The following MMS19 variants were observed in gnomAD, a reference collection of about 807,000 sequenced individuals.
MMS19 encodes MMS19 cytosolic iron-sulfur assembly component.
MMS19 carries 77 observed loss-of-function variants against 129.8 expected under a neutral mutation model. The ratio of observed to expected loss-of-function variants is 0.59; its 90% confidence interval spans 0.49 to 0.72. MMS19 has a LOEUF of 0.72. Ranked by LOEUF, MMS19 falls within the 30% of genes least tolerant of loss-of-function variation. The pLI is 0.00. For missense variants in MMS19, 1,168 were observed against 1,266.3 expected, an observed-to-expected ratio of 0.92 and a Z score of 1.18; for synonymous variants, 491 against 502.8, an observed-to-expected ratio of 0.98 and a Z score of 0.31.
Position 97,461,853 on chromosome 10 carries a change from G to A in MMS19, c.2159C>T (p.Ala720Val), listed in dbSNP as rs1313113519. The change falls in exon 22 of 31, where the codon GCC becomes GTC. Residue 720 changes from alanine to valine, a missense_variant. Around this residue, in one of 3 missense-constraint regions of MMS19, gnomAD observed 831 missense variants for 910.8 expected, o/e 0.91. Coordinates refer to ENST00000438925, the MANE Select transcript of MMS19 (RefSeq NM_022362.5). ...GQRRLIALLM[A>V]FVCSLPRNVE... ...ATTTCGAGGCAGGGAGCAGACAAAG[G>A]CCATAAGCAGTGCAATCAGCCGCCT... The A allele has an allele frequency of 6.2e-7, 1 of 1,609,732 alleles. No homozygotes were observed. The highest frequency in any genetic ancestry group is 1.7e-4 in the Middle Eastern group (1 of 6,030).
chr10:97,493,113 G>A (rs1371434007), intron 1 of MMS19, among the ~76,000 whole-genome samples: 1 of 151,976 alleles, frequency 6.6e-6, no homozygotes, highest in Non-Finnish European at 1.5e-5. Flanking sequence ...CAGGGTTCAA[G>A]TGATTCTCCT....
intron 1 of MMS19, among the ~76,000 whole-genome samples, chr10:97,489,863 C>T (rs1252802702): frequency 2.0e-5 from 3 of 152,238 alleles, no homozygotes; most frequent in Non-Finnish European, 4.4e-5. Context: ...AAGTACCCTT[C>T]TCAACATATC....
rs1446786304 is a variant in MMS19, at chr10:97,466,071, C to T, written c.1594G>A (p.Glu532Lys). The T allele has an allele frequency of 1.3e-5, 21 of 1,613,350 alleles. No individual in the cohort carries two copies. The highest frequency in any genetic ancestry group is 2.7e-5 in the African/African-American group (2 of 74,928). ...SSHLVPKLAEELRVGESNLTN... is the reference protein window; with the variant it reads ...SSHLVPKLAEKLRVGESNLTN... ...TAGAGACACATACCTACACGCAGCT[C>T]CTCAGCGAGCTTGGGTACGAGGTGG... The change falls in exon 17 of 31, where the codon GAG becomes AAG. Residue 532 changes from glutamate (E) to lysine (K), a missense_variant. Glu to Lys is a moderately conservative substitution (Grantham distance 56). Around this residue, in one of 3 missense-constraint regions of MMS19, gnomAD observed 831 missense variants for 910.8 expected, o/e 0.91. Transcript: ENST00000438925.
intron 29 of MMS19, 33 bp downstream of exon 29, chr10:97,459,190 C>T (rs772557038): frequency 2.6e-5 from 42 of 1,597,628 alleles, no homozygotes; most frequent in Non-Finnish European, 3.5e-5. Context: ...TTGAGATGTT[C>T]CCAGGCCAGG....
At position 97,461,815 on chromosome 10, in the gene MMS19, T is replaced by C; in HGVS notation, c.2184+13A>G. 2 of 1,605,564 alleles carry C rather than the reference T, an allele frequency of 1.2e-6. No homozygotes were observed. Among genetic ancestry groups the C allele is most frequent in the Non-Finnish European group, 8.5e-7 (1 of 1,176,214 alleles). On this transcript the variant is annotated intron_variant, in intron 22 of 30. Coordinates refer to ENST00000438925, the MANE Select transcript of MMS19 (RefSeq NM_022362.5). ...AGGTTAAATAACAGTACTTCCCAAATGTGCTCACTTACATTTCGAGGCAGG... is the reference window on the plus strand; with the variant it reads ...AGGTTAAATAACAGTACTTCCCAAACGTGCTCACTTACATTTCGAGGCAGG...
At chr10:97,474,360 T>C (rs1054169132) in intron 8 of MMS19, among the ~76,000 whole-genome samples, 1 of 151,606 alleles carries the variant, frequency 6.6e-6, no homozygotes, top group African/African-American at 2.4e-5. Flanking sequence ...CTGGACAACA[T>C]GGCAAAACCC....
chr10:97,483,617 T>C (rs879441101), intron 2 of MMS19, among the ~76,000 whole-genome samples: 6 of 152,226 alleles, frequency 3.9e-5, no homozygotes, highest in Non-Finnish European at 8.8e-5. Context: ...TCTAAGTGCT[T>C]AGAATCCCAA....
In MMS19 at chr10:97,460,759, TG is replaced by T; in HGVS notation, c.2413-9del. On this transcript the variant is annotated splice_polypyrimidine_tract_variant and intron_variant, in intron 24 of 30. Transcript: ENST00000438925. Reference sequence around the variant, plus strand: ...CACTAGGGCCTTTGTTACCTGTAATTGGAGACAGAGAGAGCAATTGGGGAAT... The same window carrying T: ...CACTAGGGCCTTTGTTACCTGTAATTGAGACAGAGAGAGCAATTGGGGAAT... The T allele has an allele frequency of 6.3e-7, 1 of 1,593,828 alleles. No homozygotes were observed. Among genetic ancestry groups the T allele is most frequent in the South Asian group, 1.1e-5 (1 of 87,508 alleles).
Position 97,460,720 on chromosome 10 carries a change from G to A in MMS19, c.2444C>T (p.Pro815Leu). ...VTKALVLRYH[P>L]LSSCLTARLM... ...CCGGGCTGTAAGGCAGGAGCTGAGA[G>A]GATGGTATCTGAGCACTAGGGCCTT... Residue 815 changes from proline (P) to leucine (L), a missense_variant, in exon 25 of 31, where the codon CCT becomes CTT. This residue lies in a region of MMS19 where 831 missense variants were observed against 910.8 expected (regional missense o/e 0.91). Coordinates refer to ENST00000438925, the MANE Select transcript of MMS19 (RefSeq NM_022362.5). 1 of 1,599,320 alleles carries A rather than the reference G, an allele frequency of 6.3e-7. No individual in the cohort carries two copies.
chr10:97,459,601 C>T lies in MMS19; in HGVS notation c.2739+58G>A. The T allele has an allele frequency of 1.9e-6, 3 of 1,599,300 alleles. No individual in the cohort carries two copies. In the South Asian group the frequency reaches 3.4e-5, roughly 18 times the overall value. ...GTTCTTGTTCCCTCCCCTTTCTAGC[C>T]CCATCTGGGGAAGAATAGCTTTGTC... On this transcript the variant is annotated intron_variant, in intron 27 of 30. Coordinates refer to ENST00000438925, the MANE Select transcript of MMS19 (RefSeq NM_022362.5).
At position 97,466,788 on chromosome 10, in the gene MMS19, C is replaced by T. The variant is rs369929027; in HGVS notation, c.1411G>A (p.Gly471Ser). ...LVGIRTLTVL[G>S]AQPDLLSYED... ...CCTTAAGATGTACCTGGCTGGGCAC[C>T]CAAGACTGTCAGTGTACGGATGCCA... The change falls in exon 15 of 31, where the codon GGT (glycine) becomes AGT (serine). Residue 471 changes from glycine to serine, a missense_variant. Around this residue, in one of 3 missense-constraint regions of MMS19, gnomAD observed 831 missense variants for 910.8 expected, o/e 0.91. Transcript: ENST00000438925. 17 of 1,613,856 alleles carry T rather than the reference C, an allele frequency of 1.1e-5. No individual in the cohort carries two copies. In the African/African-American group the frequency reaches 1.9e-4, roughly 18 times the overall value.
rs764060333 is a variant in MMS19, at chr10:97,468,372, T to C, written c.1098A>G (p.Lys366=). The C allele has an allele frequency of 1.0e-4, 164 of 1,611,348 alleles. No individual in the cohort carries two copies. The highest frequency in any genetic ancestry group is 1.4e-4 in the Non-Finnish European group (160 of 1,178,382). Residue 366 remains lysine, a synonymous_variant, in exon 13 of 31, where the codon AAA becomes AAG. Transcript: ENST00000438925. ...ACAGCTTGGCACTAGGCCACACCAG[T>C]TTCATGTCCGGTTCACACAGGTGGT... ...CRHHLCEPDM[K]LVWPSAKLLQ...
At position 97,459,276 on chromosome 10, in the gene MMS19, G is replaced by A. The variant is rs1297603698; in HGVS notation, c.2911C>T (p.Arg971Trp). Residue 971 changes from arginine to tryptophan, a missense_variant, in exon 29 of 31, where the codon CGG (arginine) becomes TGG (tryptophan). Arg to Trp is a moderately radical substitution (Grantham distance 101, BLOSUM62 -3). Transcript: ENST00000438925. ...NLSSSPSMAVRIAALQCMHAL... is the reference protein window; with the variant it reads ...NLSSSPSMAVWIAALQCMHAL... ...TGCATGCACTGCAGTGCGGCGATCCGGACAGCCTGGAACACAACCACAAGG... is the reference window on the plus strand; with the variant it reads ...TGCATGCACTGCAGTGCGGCGATCCAGACAGCCTGGAACACAACCACAAGG... 4.3e-6 allele frequency: 7 copies of A among 1,613,202 alleles called. No homozygotes were observed. Among genetic ancestry groups the A allele is most frequent in the South Asian group, 3.3e-5 (3 of 90,964 alleles).
At position 97,466,538 on chromosome 10, in the gene MMS19, T is replaced by G. The variant is rs754165718; in HGVS notation, c.1471A>C (p.Arg491=). 1 of 1,613,924 alleles carries G rather than the reference T, an allele frequency of 6.2e-7. No homozygotes were observed. Among genetic ancestry groups the G allele is most frequent in the Non-Finnish European group, 8.5e-7 (1 of 1,179,814 alleles). Residue 491 remains arginine, a synonymous_variant, in exon 16 of 31, where the codon AGA becomes CGA. Transcript: ENST00000438925. ...DLELAVGHLY[R]LSFLKEDSQS... is the part of the protein sequence containing the mutation. ...GAATCCTCCTTCAGGAAGCTCAGTC[T>G]GTACAGGTGACCCACTGCCAGCTCC...
At position 97,461,363 on chromosome 10, in the gene MMS19, G is replaced by A. The variant is rs959235373; in HGVS notation, c.2311+133C>T. The A allele has an allele frequency of 6.3e-6, 7 of 1,104,468 alleles. No homozygotes were observed. The African/African-American group carries it at 9.4e-5, about 15-fold the overall frequency. 68.4% of individuals were successfully genotyped at this position (1,104,468 alleles called of 1,614,324 possible). A position where few individuals can be genotyped will look rare whatever the true frequency, so the allele number is the denominator to read the frequency against. On this transcript the variant is annotated intron_variant, in intron 23 of 30. Coordinates refer to ENST00000438925, the MANE Select transcript of MMS19 (RefSeq NM_022362.5). Reference sequence around the variant, plus strand: ...ACGCTTTTCCCACGGGCAGTCCCAGGACAGTGCTTGAGCAGTTGAAGCCCT... The same window carrying A: ...ACGCTTTTCCCACGGGCAGTCCCAGAACAGTGCTTGAGCAGTTGAAGCCCT...
At chr10:97,479,353 T>C (rs939075216) in intron 3 of MMS19, among the ~76,000 whole-genome samples, 3 of 152,088 alleles carry the variant, frequency 2.0e-5, no homozygotes, top group South Asian at 2.1e-4. Flanking sequence ...GAACCTCACA[T>C]TGACACGCCA....
chr10:97,471,456 T>C (rs1360507533), intron 8 of MMS19, among the ~76,000 whole-genome samples: 1 of 152,114 alleles, frequency 6.6e-6, no homozygotes, highest in African/African-American at 2.4e-5. Context: ...CAGGTTTTCC[T>C]TTTCCTCTTT....
chr10:97,460,173 CAG>C lies in MMS19; in HGVS notation c.2527_2528del (p.Leu843AlafsTer4), dbSNP rs746572321. On this transcript the variant is annotated frameshift_variant, in exon 26 of 31. Transcript: ENST00000438925. LOFTEE classifies it high-confidence loss of function. ...GCACATCAGTGCAGTCAGACATGAG[CAG>C]AGAGAAGCCATCAGCTGCTGCTGGA... ...LGPAAADGFSLLMSDCTDVLT... is the reference protein window; with the variant it reads ...LGPAAADGFSXLMSDCTDVLT... 11 of 1,613,962 alleles carry C rather than the reference CAG, an allele frequency of 6.8e-6. No individual in the cohort carries two copies. Among genetic ancestry groups the C allele is most frequent in the Non-Finnish European group, 8.5e-6 (10 of 1,179,890 alleles).
intron 1 of MMS19, among the ~76,000 whole-genome samples, chr10:97,492,348 G>A (rs954209485): frequency 2.0e-5 from 3 of 151,456 alleles, no homozygotes; most frequent in Admixed American, 6.6e-5. Context: ...GGTGGCGGGC[G>A]CCTGTAGTCC....
Sources: allele counts gnomAD v4.1 joint callset (sites outside exome capture counted in the v4.1 genomes callset), GRCh38; gene constraint gnomAD v4.1.1; regional missense constraint gnomAD v4.1.1; transcripts MANE v1.5; gene names NCBI Gene and HGNC (gene_info 2026-07-23, HGNC 2026-07-21).